CDH6: variants seen among roughly 807,000 people sequenced by gnomAD.
CDH6 encodes the protein cadherin 6.
A neutral mutation model predicts 78.0 loss-of-function variants in CDH6; 31 were observed. The ratio of observed to expected loss-of-function variants is 0.40; its 90% CI spans 0.30 to 0.54. The LOEUF is 0.54. Ranked by LOEUF, CDH6 falls within the 20% of genes least tolerant of loss-of-function variation. CDH6 has a pLI of 0.56. For missense variants in CDH6, 724 were observed against 975.9 expected (o/e 0.74, Z 3.44); for synonymous variants, 376 against 368.8 (o/e 1.02, Z -0.23).
chr5:31,209,472 T>C (rs1379433679), intron 1 of CDH6, among the ~76,000 whole-genome samples: 1 of 152,144 alleles, frequency 6.6e-6, no homozygotes, highest in Non-Finnish European at 1.5e-5. Context: ...GTTAAAAAAT[T>C]TTCAGGAGTG....
At chr5:31,254,924 G>C (rs780151020) in intron 1 of CDH6, among the ~76,000 whole-genome samples, 1 of 152,224 alleles carries the variant, frequency 6.6e-6, no homozygotes, top group South Asian at 2.1e-4. Context: ...AAAGAATAAA[G>C]AAAGTGTAAA....
intron 1 of CDH6, among the ~76,000 whole-genome samples, chr5:31,264,987 T>C (rs1742302531): frequency 6.6e-6 from 1 of 152,190 alleles, no homozygotes; most frequent in Non-Finnish European, 1.5e-5. Flanking sequence ...GAGTCTGCCT[T>C]TTAAACAGCT....
At chr5:31,256,513 G>A (rs1742058975) in intron 1 of CDH6, among the ~76,000 whole-genome samples, 1 of 152,132 alleles carries the variant, frequency 6.6e-6, no homozygotes, top group African/African-American at 2.4e-5. Flanking sequence ...GCCTAATTCT[G>A]GGATTTTCTT....
rs60543109 is a variant in CDH6 at position 31,210,076 on chromosome 5, T to TTGTGTGTGTGTGTGTGTGTG, written c.-129+16204_-129+16223dup. Among the ~76,000 whole-genome samples, 371 of 146,544 alleles carry TTGTGTGTGTGTGTGTGTGTG rather than the reference T, an allele frequency of 2.5e-3. 2 individuals are homozygous for TTGTGTGTGTGTGTGTGTGTG. The highest frequency in any genetic ancestry group is 0.013 in the South Asian group (60 of 4,456). The stretch of plus-strand genomic sequence containing the variant: ...ATTCTTGGGACCAGCTTTTCTTAAA[T>TTGTGTGTGTGTGTGTGTGTG]TGTGTGTGTGTGTGTGTGTGTGTGT... On this transcript the variant is annotated intron_variant, in intron 1 of 11. Coordinates refer to ENST00000265071, the MANE Select transcript of CDH6 (RefSeq NM_004932.4).
intron 1 of CDH6, among the ~76,000 whole-genome samples, chr5:31,225,516 G>A (rs1208807778): frequency 6.6e-6 from 1 of 152,108 alleles, no homozygotes; most frequent in African/African-American, 2.4e-5. Context: ...CATGGCAGAG[G>A]AAGCCTCAGG....
intron 7 of CDH6, among the ~76,000 whole-genome samples, chr5:31,308,517 C>T (rs914615169): frequency 6.7e-6 from 1 of 150,362 alleles, no homozygotes; most frequent in African/African-American, 2.4e-5. Context: ...GTGATAATTA[C>T]AATTAATGTG....
intron 1 of CDH6, among the ~76,000 whole-genome samples, chr5:31,257,881 T>C (rs1007355609): frequency 3.9e-5 from 6 of 152,298 alleles, no homozygotes; most frequent in Middle Eastern, 3.4e-3. Flanking sequence ...ACAAATGACA[T>C]TGTGGATATT....
In CDH6 at chr5:31,325,302, A is replaced by C. The variant is rs1579920850; in HGVS notation, c.*1994A>C. 1 of 211,440 alleles carries C rather than the reference A, an allele frequency of 4.7e-6. No homozygotes were observed. The highest frequency in any genetic ancestry group is 2.6e-5 in the African/African-American group (1 of 38,274). 13.1% of individuals were successfully genotyped at this position (211,440 alleles called of 1,614,324 possible). A position where few individuals can be genotyped will look rare whatever the true frequency, so the allele number is the denominator to read the frequency against. ...CCTGCTTTCAGGGTTTCTTTTTTCT[A>C]GTTCTTCATACACACACATACACAC... On this transcript the variant is annotated 3_prime_UTR_variant, in exon 12 of 12. Coordinates refer to ENST00000265071, the MANE Select transcript of CDH6 (RefSeq NM_004932.4).
chr5:31,221,360 T>C (rs998577186), intron 1 of CDH6, among the ~76,000 whole-genome samples: 9 of 152,202 alleles, frequency 5.9e-5, no homozygotes, highest in African/African-American at 2.2e-4. Flanking sequence ...TCAACTCACA[T>C]ACATTTCAGT....
In CDH6 at chr5:31,324,841, T is replaced by A. The variant is rs1738583363; in HGVS notation, c.*1533T>A. On this transcript the variant is annotated 3_prime_UTR_variant, in exon 12 of 12. Transcript: ENST00000265071. ...GTTCTAATGGCACTTATCATTAGAA[T>A]CTTACCTTGTGCAGTCATCAGAAAT... The A allele has an allele frequency of 4.9e-6, 1 of 205,530 alleles. No homozygotes were observed. The highest frequency in any genetic ancestry group is 6.0e-5 in the Admixed American group (1 of 16,752). The allele number at this position is 205,530 out of a possible 1,614,324, so 12.7% of individuals were successfully genotyped here.
intron 1 of CDH6, among the ~76,000 whole-genome samples, chr5:31,247,254 C>A (rs1463622000): frequency 6.6e-6 from 1 of 152,184 alleles, no homozygotes; most frequent in Non-Finnish European, 1.5e-5. Context: ...CCTCTGCACA[C>A]CTGAGTCATT....
intron 6 of CDH6, among the ~76,000 whole-genome samples, chr5:31,302,903 A>AAAAAGAAAG (rs1737842577): frequency 1.1e-5 from 1 of 90,424 alleles, no homozygotes; most frequent in African/African-American, 3.8e-5. Flanking sequence ...AAGAAAGAAA[A>AAAAAGAAAG]AAAGAAAGAA....
chr5:31,277,818 A>C (rs1230013844), intron 2 of CDH6, among the ~76,000 whole-genome samples: 1 of 152,222 alleles, frequency 6.6e-6, no homozygotes, highest in Non-Finnish European at 1.5e-5. Context: ...TGAGCACAGA[A>C]TATTAAAAAA....
At chr5:31,263,320 A>G (rs963230071) in intron 1 of CDH6, among the ~76,000 whole-genome samples, 5 of 148,266 alleles carry the variant, frequency 3.4e-5, no homozygotes, top group Non-Finnish European at 7.4e-5. Context: ...GTGCAATAGC[A>G]TGATCTCTGC....
intron 1 of CDH6, among the ~76,000 whole-genome samples, chr5:31,225,077 A>G (rs1387161181): frequency 1.3e-5 from 2 of 152,192 alleles, no homozygotes; most frequent in African/African-American, 4.8e-5. Context: ...AACATCCTGC[A>G]ATGCACAGGA....
chr5:31,318,310 A>C (rs1048528038), intron 11 of CDH6: 7 of 395,782 alleles, frequency 1.8e-5, no homozygotes, highest in African/African-American at 1.2e-4. Flanking sequence ...CCTTTCTATA[A>C]AGGTAAAGTT....
rs748601134 is a variant in CDH6 at position 31,317,485 on chromosome 5, C to A, written c.1623C>A (p.Asp541Glu). 5 of 1,605,108 alleles carry A rather than the reference C, an allele frequency of 3.1e-6. No homozygotes were observed. The highest frequency in any genetic ancestry group is 4.3e-6 in the Non-Finnish European group (5 of 1,174,430). Residue 541 changes from aspartate (D) to glutamate (E), a missense_variant, in exon 10 of 12, where the codon GAC (aspartate) becomes GAA (glutamate). By Grantham distance (45) the Asp-to-Glu change is conservative (BLOSUM62 2). This residue lies in a region of CDH6 where 446 missense variants were observed against 684.5 expected (regional missense o/e 0.65). Transcript: ENST00000265071. ...GTGGCTCAAACTTTACCATTCAAGA[C>A]AACAAAGGTAAATGAGTTCAAGTTA... ...AASGSNFTIQ[D>E]NKDNTAGILT...
chr5:31,326,495 T>C lies in CDH6; in HGVS notation c.*3187T>C, dbSNP rs1738626719. The C allele has an allele frequency of 1.0e-5, 2 of 195,648 alleles. No individual in the cohort carries two copies. The highest frequency in any genetic ancestry group is 6.1e-5 in the Admixed American group (1 of 16,418). 12.1% of individuals were successfully genotyped at this position (195,648 alleles called of 1,614,324 possible). ...CACAAGAGAGGGAATGTGGGCACAG[T>C]AAATAGATGTTTCTTTCAGAACTTT... is the stretch of plus-strand genomic sequence containing the variant. On this transcript the variant is annotated 3_prime_UTR_variant, in exon 12 of 12. Transcript: ENST00000265071.
intron 2 of CDH6, among the ~76,000 whole-genome samples, chr5:31,280,659 C>G (rs1360618450): frequency 6.6e-6 from 1 of 152,148 alleles, no homozygotes; most frequent in Non-Finnish European, 1.5e-5. Context: ...TTTCATGCCA[C>G]TGACATTGCA....
Sources: gnomAD v4.1 joint callset for allele counts (sites outside exome capture counted in the v4.1 genomes callset) on GRCh38, gnomAD v4.1.1 for gene constraint, gnomAD v4.1.1 regional missense constraint, MANE v1.5 for transcripts, NCBI Gene and HGNC (gene_info 2026-07-23, HGNC 2026-07-21) for gene names.